The following PCDHA6 variants were observed in gnomAD, a reference collection of about 807,000 sequenced individuals.
PCDHA6 encodes the protein protocadherin alpha-6.
Under a neutral mutation model 60.3 loss-of-function variants are expected in PCDHA6, and 55 were observed. That is an observed-to-expected ratio of 0.91 (90% CI 0.73 to 1.14). The LOEUF (loss-of-function observed/expected upper bound fraction) is 1.14. Ranked by LOEUF, PCDHA6 falls within the 50% of genes most tolerant of loss-of-function variation. The pLI is 0.00. For synonymous variants in PCDHA6, 652 were observed against 557.9 expected (o/e 1.17, Z -2.38); for missense variants, 1,327 against 1,256.5 (o/e 1.06, Z -0.85).
chr5:140,935,852 CTT>C (rs1267620281), intron 1 of PCDHA6, among the ~76,000 whole-genome samples: 2 of 149,326 alleles, frequency 1.3e-5, no homozygotes, highest in African/African-American at 4.9e-5. Context: ...TTAATGGTGT[CTT>C]TTGATTAGCA....
intron 1 of PCDHA6, chr5:140,850,770 T>C (rs2150497616): frequency 6.3e-7 from 1 of 1,598,038 alleles, no homozygotes; most frequent in Non-Finnish European, 8.6e-7. Flanking sequence ...GCAGAGGGTG[T>C]GCTCTGGCGA....
intron 1 of PCDHA6, among the ~76,000 whole-genome samples, chr5:140,937,783 G>A (rs1554211789): frequency 6.7e-6 from 1 of 150,256 alleles, no homozygotes; most frequent in African/African-American, 2.5e-5. Context: ...GTGGTGGCGG[G>A]CGTATGTAGT....
At chr5:140,860,563 A>G (rs1332482786) in intron 1 of PCDHA6, 4 of 152,330 alleles carry the variant, frequency 2.6e-5, no homozygotes, top group Admixed American at 1.3e-4. Flanking sequence ...AGAGGTACTG[A>G]TCATACACAA....
chr5:140,870,590 G>T, intron 1 of PCDHA6: 2 of 1,613,564 alleles, frequency 1.2e-6, no homozygotes, highest in Non-Finnish European at 1.7e-6. Flanking sequence ...CTGGTGGAGC[G>T]GCGGTTGGGC....
chr5:140,843,894 A>G, intron 1 of PCDHA6: 1 of 670,078 alleles, frequency 1.5e-6, no homozygotes, highest in Non-Finnish European at 2.5e-6. Context: ...AGTATTAATC[A>G]TTCTCCACAA....
chr5:140,887,251 C>G (rs2153419046), intron 1 of PCDHA6, among the ~76,000 whole-genome samples: 1 of 152,162 alleles, frequency 6.6e-6, no homozygotes. Context: ...CGCCCGCCAC[C>G]ACGCCCTGCT....
Position 140,929,023 on chromosome 5 carries a change from C to G in PCDHA6, c.2395-49926C>G, listed in dbSNP as rs2085741813. On this transcript the variant is annotated intron_variant, in intron 1 of 3. Transcript: ENST00000529310. ...CGTGTGTACCAAGTTGCACCAGAGCCCAGGCTGTTGCGCTCAGAGCTGCTG... is the reference window on the plus strand; with the variant it reads ...CGTGTGTACCAAGTTGCACCAGAGCGCAGGCTGTTGCGCTCAGAGCTGCTG... 2.5e-6 allele frequency: 4 copies of G among 1,614,056 alleles called. No homozygotes were observed. The Admixed American group carries it at 6.7e-5, about 27-fold the overall frequency.
At chr5:140,851,722 C>T (rs2042141470) in intron 1 of PCDHA6, 8 of 966,996 alleles carry the variant, frequency 8.3e-6, no homozygotes, top group East Asian at 1.1e-4. Flanking sequence ...TTCGAAACTT[C>T]GAGTTCTTTT....
intron 1 of PCDHA6, among the ~76,000 whole-genome samples, chr5:140,938,996 A>C (rs1212565184): frequency 2.6e-5 from 4 of 152,206 alleles, no homozygotes; most frequent in Non-Finnish European, 4.4e-5. Context: ...TTATATAGTA[A>C]GTTAAGAAGT....
In PCDHA6 at chr5:140,928,366, C is replaced by T. The variant is rs73793524; in HGVS notation, c.2395-50583C>T. 1.5e-3 allele frequency: 2,439 copies of T among 1,614,110 alleles called. 35 individuals carry two copies. In the African/African-American group the frequency reaches 0.03, roughly 20 times the overall value. ...GCTGTTGGATGTTATCTCTGAAGGG[C>T]CATCAGCCTCTAGCTTGCTGGCAGT... On this transcript the variant is annotated intron_variant, in intron 1 of 3. Coordinates refer to ENST00000529310, the MANE Select transcript of PCDHA6 (RefSeq NM_018909.4).
At chr5:140,899,702 G>A (rs2067498720) in intron 1 of PCDHA6, among the ~76,000 whole-genome samples, 1 of 152,228 alleles carries the variant, frequency 6.6e-6, no homozygotes, top group African/African-American at 2.4e-5. Flanking sequence ...CATAAAATGA[G>A]TTAGGGAGGA....
chr5:140,942,448 A>C (rs140426253), intron 1 of PCDHA6, among the ~76,000 whole-genome samples: 3,563 of 152,146 alleles, frequency 0.023, 50 homozygotes, highest in Middle Eastern at 0.034. Flanking sequence ...CAAGTAAACT[A>C]TCAATTATAA....
At chr5:140,942,757 T>C (rs2093364947) in intron 1 of PCDHA6, among the ~76,000 whole-genome samples, 1 of 152,174 alleles carries the variant, frequency 6.6e-6, no homozygotes, top group South Asian at 2.1e-4. Context: ...ATAAATGAGA[T>C]GGCATAATGT....
chr5:140,991,968 C>A (rs80040458), intron 3 of PCDHA6, among the ~76,000 whole-genome samples: 1,562 of 151,686 alleles, frequency 0.01, 27 homozygotes, highest in African/African-American at 0.036. Context: ...TTTGGTGGGG[C>A]CATTATTCTG....
intron 1 of PCDHA6, among the ~76,000 whole-genome samples, chr5:140,940,840 A>T (rs1554213622): frequency 2.0e-5 from 3 of 152,222 alleles, no homozygotes; most frequent in Non-Finnish European, 1.5e-5. Context: ...ACCTTTCTTC[A>T]CGATAGATTT....
intron 1 of PCDHA6, among the ~76,000 whole-genome samples, chr5:140,837,948 G>A (rs1426509555): frequency 6.6e-6 from 1 of 151,422 alleles, no homozygotes; most frequent in Non-Finnish European, 1.5e-5. Context: ...CAAAGTATTG[G>A]GATTACAGAC....
In PCDHA6 at chr5:140,974,947, C is replaced by T. The variant is rs145175873; in HGVS notation, c.2395-4002C>T. On this transcript the variant is annotated intron_variant, in intron 1 of 3. Coordinates refer to ENST00000529310, the MANE Select transcript of PCDHA6 (RefSeq NM_018909.4). ...GTTTAAAACACCACCTATTTGTTAT[C>T]TCACAGTCCTGTACCATGTGGCTGA... is the stretch of plus-strand genomic sequence containing the variant. 2.7e-3 allele frequency among the ~76,000 whole-genome samples: 417 copies of T among 152,322 alleles called. 3 individuals carry two copies. The highest frequency in any genetic ancestry group is 2.1e-3 in the Non-Finnish European group (142 of 68,022).
At chr5:140,995,371 C>G (rs143381591) in intron 3 of PCDHA6, among the ~76,000 whole-genome samples, 3 of 152,120 alleles carry the variant, frequency 2.0e-5, no homozygotes, top group Admixed American at 1.3e-4. Flanking sequence ...GGATGATTCA[C>G]GTACTGGGCA....
intron 1 of PCDHA6, among the ~76,000 whole-genome samples, chr5:140,837,942 G>T (rs1554136705): frequency 2.0e-5 from 3 of 151,768 alleles, no homozygotes; most frequent in Admixed American, 1.3e-4. Flanking sequence ...GCCTCCCAAA[G>T]TATTGGGATT....
Sources: allele counts gnomAD v4.1 joint callset (sites outside exome capture counted in the v4.1 genomes callset), GRCh38; gene constraint gnomAD v4.1.1; transcripts MANE v1.5; gene names NCBI Gene and HGNC (gene_info 2026-07-23, HGNC 2026-07-21).